The following LMO7 variants were observed in gnomAD, a reference collection of about 807,000 sequenced individuals.
The protein encoded by LMO7 is LIM domain 7.
Under a neutral mutation model 206.5 loss-of-function variants are expected in LMO7, and 120 were observed. The ratio of observed to expected loss-of-function variants is 0.58; its 90% CI spans 0.50 to 0.68. The LOEUF is 0.68. LMO7 is among the 30% of genes least tolerant of loss of function. The pLI, the probability that LMO7 is intolerant of heterozygous loss-of-function variation, is 0.00. For synonymous variants in LMO7, 706 were observed against 681.5 expected (o/e 1.04, Z -0.56); for missense variants, 1,959 against 1,957.9 (o/e 1.00, Z -0.01).
intron 2 of LMO7, among the ~76,000 whole-genome samples, chr13:75,626,324 A>G (rs1219967485): frequency 5.9e-5 from 9 of 151,720 alleles, no homozygotes. Context: ...GGGAGGTGAA[A>G]GGCACTCCTT....
At chr13:75,764,700 T>G (rs1242060789) in intron 4 of LMO7, among the ~76,000 whole-genome samples, 1 of 152,146 alleles carries the variant, frequency 6.6e-6, no homozygotes, top group Non-Finnish European at 1.5e-5. Flanking sequence ...GCTGAGAAAT[T>G]GAACAGATTG....
In LMO7 at chr13:75,721,952, G is replaced by A. The variant is rs540095930; in HGVS notation, c.141-5077G>A. 8.5e-5 allele frequency among the ~76,000 whole-genome samples: 13 copies of A among 152,314 alleles called. No homozygotes were observed. The East Asian group carries it at 2.3e-3, about 27-fold the overall frequency. On this transcript the variant is annotated intron_variant, in intron 2 of 30. Coordinates refer to ENST00000377534, the MANE Select transcript of LMO7 (RefSeq NM_001306080.2). ...CACAAAGCAAACAAAAACATAAAGT[G>A]GGGAAAGGACACCCTATTCAACAAA...
intron 15 of LMO7, among the ~76,000 whole-genome samples, chr13:75,827,704 G>A (rs1336872341): frequency 6.6e-6 from 1 of 152,032 alleles, no homozygotes; most frequent in Non-Finnish European, 1.5e-5. Flanking sequence ...CCCAAAATTG[G>A]TCTTGCCTAC....
intron 4 of LMO7, among the ~76,000 whole-genome samples, chr13:75,790,009 G>T (rs1258955807): frequency 1.3e-5 from 2 of 152,142 alleles, no homozygotes; most frequent in African/African-American, 4.8e-5. Context: ...CAACATGGAA[G>T]TTTGGACAAT....
chr13:75,738,379 T>C (rs2046129913), intron 3 of LMO7, among the ~76,000 whole-genome samples: 3 of 152,234 alleles, frequency 2.0e-5, no homozygotes, highest in African/African-American at 4.8e-5. Flanking sequence ...CCTTGAGCAA[T>C]GGCAATACAG....
chr13:75,751,149 CTTTTTTTTTTTT>C (rs57976279), intron 3 of LMO7, among the ~76,000 whole-genome samples: 3 of 60,426 alleles, frequency 5.0e-5, no homozygotes, highest in South Asian at 8.6e-4. Flanking sequence ...TTTTTCAGCT[CTTTTTTTTTTTT>C]TTTTTTTTTT....
At chr13:75,632,862 GTT>G (rs10690832), upstream of LMO7, among the ~76,000 whole-genome samples, 9 of 102,136 alleles carry the variant, frequency 8.8e-5, no homozygotes, top group Non-Finnish European at 1.5e-4. Flanking sequence ...TTACTTAAAA[GTT>G]TTTTTTTTTT....
In LMO7 at chr13:75,807,510, A is replaced by T. The variant is rs1305298139; in HGVS notation, c.1227A>T (p.Thr409=). ...SQFLLLQALQ[T]YSDDILSSET... ...TTTTACTGCTTCAGGCCCTCCAAAC[A>T]TACTCTGATGACATCTTGTCTTCTG... Residue 409 remains threonine, a synonymous_variant, in exon 10 of 31, where the codon ACA becomes ACT. Transcript: ENST00000377534. The T allele has an allele frequency of 3.1e-6, 5 of 1,613,532 alleles. No individual in the cohort carries two copies. The highest frequency in any genetic ancestry group is 4.2e-6 in the Non-Finnish European group (5 of 1,179,842).
At position 75,841,946 on chromosome 13, in the gene LMO7, G is replaced by A. The variant is rs1365224433; in HGVS notation, c.3994G>A (p.Glu1332Lys). The A allele has an allele frequency of 1.2e-6, 2 of 1,612,502 alleles. No homozygotes were observed. Among genetic ancestry groups the A allele is most frequent in the African/African-American group, 1.3e-5 (1 of 75,000 alleles). The change falls in exon 24 of 31, where the codon GAG becomes AAG. Residue 1332 changes from glutamate to lysine, a missense_variant. By Grantham distance (56) the Glu-to-Lys change is moderately conservative. Coordinates refer to ENST00000377534, the MANE Select transcript of LMO7 (RefSeq NM_001306080.2). ...GGAGCAGAAGCGCCAGGCAGAGATAGAGCGGGAAACATCAGTCAGAATATA... is the reference window on the plus strand; with the variant it reads ...GGAGCAGAAGCGCCAGGCAGAGATAAAGCGGGAAACATCAGTCAGAATATA... ...AEEQKRQAEI[E>K]RETSVRIYQY...
chr13:75,699,654 C>T (rs532887456), intron 1 of LMO7, among the ~76,000 whole-genome samples: 44 of 152,170 alleles, frequency 2.9e-4, no homozygotes, highest in East Asian at 1.4e-3. Flanking sequence ...TCACAGAGAT[C>T]GCATGCTTCA....
At chr13:75,668,641 C>T (rs2039279296) in intron 1 of LMO7, among the ~76,000 whole-genome samples, 1 of 152,202 alleles carries the variant, frequency 6.6e-6, no homozygotes, top group Admixed American at 6.5e-5. Flanking sequence ...CTTTCAGCTA[C>T]TCTCCAGTAC....
At chr13:75,744,804 C>A (rs1442806420) in intron 3 of LMO7, among the ~76,000 whole-genome samples, 1 of 152,144 alleles carries the variant, frequency 6.6e-6, no homozygotes, top group Admixed American at 6.5e-5. Context: ...GAGAACATTT[C>A]TCCCTTATGG....
At chr13:75,643,073 A>G (rs2036702459) in intron 1 of LMO7, among the ~76,000 whole-genome samples, 1 of 152,236 alleles carries the variant, frequency 6.6e-6, no homozygotes, top group African/African-American at 2.4e-5. Flanking sequence ...TTAGAGAAAG[A>G]GGAATGGTGT....
chr13:75,719,177 A>G (rs1319927058), intron 2 of LMO7, among the ~76,000 whole-genome samples: 3 of 151,858 alleles, frequency 2.0e-5, no homozygotes, highest in African/African-American at 7.3e-5. Flanking sequence ...ACAGGGTTTC[A>G]CCATGTTGGC....
At chr13:75,843,072 GCTGTGTAACAAC>G (rs1364819308) in intron 25 of LMO7, among the ~76,000 whole-genome samples, 156 bp downstream of exon 25, 1 of 152,216 alleles carries the variant, frequency 6.6e-6, no homozygotes, top group Non-Finnish European at 1.5e-5. Flanking sequence ...GTTAGCTTTT[GCTGTGTAACAAC>G]TATTCGTGAA....
intron 15 of LMO7, among the ~76,000 whole-genome samples, chr13:75,830,580 C>A (rs2058566139): frequency 6.6e-6 from 1 of 152,176 alleles, no homozygotes; most frequent in Non-Finnish European, 1.5e-5. Context: ...CAACACTCTG[C>A]CTGGCTGTAG....
intron 15 of LMO7, among the ~76,000 whole-genome samples, chr13:75,826,430 T>G (rs1162654466): frequency 1.3e-5 from 2 of 152,196 alleles, no homozygotes; most frequent in East Asian, 3.9e-4. Flanking sequence ...TAGTGCATGC[T>G]ACACAAGACT....
chr13:75,731,832 C>T (rs372086303), intron 3 of LMO7, among the ~76,000 whole-genome samples: 358 of 151,866 alleles, frequency 2.4e-3, no homozygotes, highest in Non-Finnish European at 3.7e-3. Flanking sequence ...CTGGTGGTGA[C>T]AAAATCTCTC....
At chr13:75,828,056 A>G (rs1178832562) in intron 15 of LMO7, among the ~76,000 whole-genome samples, 1 of 152,218 alleles carries the variant, frequency 6.6e-6, no homozygotes, top group Non-Finnish European at 1.5e-5. Flanking sequence ...TGTTCACTGA[A>G]TGCTGACCAA....
Sources: gnomAD v4.1 joint callset for allele counts (sites outside exome capture counted in the v4.1 genomes callset) on GRCh38, gnomAD v4.1.1 for gene constraint, MANE v1.5 for transcripts, NCBI Gene and HGNC (gene_info 2026-07-23, HGNC 2026-07-21) for gene names.